ALDH2: variants seen among roughly 807,000 people sequenced by gnomAD.
ALDH2 encodes aldehyde dehydrogenase, mitochondrial.
Under a neutral mutation model 59.6 loss-of-function variants are expected in ALDH2, and 44 were observed. That is an observed-to-expected ratio of 0.74 (90% CI 0.58 to 0.95). The LOEUF (loss-of-function observed/expected upper bound fraction) is 0.95, where lower values mean the gene tolerates loss of function less well. ALDH2 is among the 40% of genes least tolerant of loss of function. The probability of loss-of-function intolerance (pLI) is 0.00; values close to 1 mark genes in which losing one functional copy is unlikely to be tolerated. For synonymous variants in ALDH2, 291 were observed against 284.0 expected (o/e 1.02, Z -0.25); for missense variants, 570 against 696.3 (o/e 0.82, Z 2.04).
At chr12:111,767,139 G>A in intron 1 of ALDH2, 43 bp downstream of exon 1, 1 of 1,411,964 alleles carries the variant, frequency 7.1e-7, no homozygotes, top group Non-Finnish European at 9.3e-7. Flanking sequence ...TCCGGCCCGA[G>A]TCCCCCGCAG....
chr12:111,783,431 G>T (rs1189795763), intron 3 of ALDH2, 133 bp downstream of exon 3: 2 of 1,152,150 alleles, frequency 1.7e-6, no homozygotes, highest in Non-Finnish European at 2.4e-6. Flanking sequence ...GATGGGAATG[G>T]CATAGGATGG....
intron 10 of ALDH2, among the ~76,000 whole-genome samples, chr12:111,799,190 G>A (rs1269718218): frequency 6.7e-6 from 1 of 148,150 alleles, no homozygotes; most frequent in Non-Finnish European, 1.5e-5. Context: ...TTTTGAGATG[G>A]AGTCTCACTC....
Position 111,799,946 on chromosome 12 carries a change from T to C in ALDH2, c.1289T>C (p.Ile430Thr), listed in dbSNP as rs374377652. The C allele has an allele frequency of 1.1e-4, 185 of 1,613,936 alleles. No individual in the cohort carries two copies. Among genetic ancestry groups the C allele is most frequent in the Non-Finnish European group, 1.5e-4 (175 of 1,180,022 alleles). ...ATGCAGATCCTGAAGTTCAAGACCA[T>C]AGAGGAGGTTGTTGGGAGAGCCAAC... is the stretch of plus-strand genomic sequence containing the variant. ...PVMQILKFKT[I>T]EEVVGRANNS... Residue 430 changes from isoleucine to threonine, a missense_variant, in exon 11 of 13, where the codon ATA becomes ACA. By Grantham distance (89) the Ile-to-Thr change is moderately conservative. Transcript: ENST00000261733.
At chr12:111,792,232 G>A (rs4646777) in intron 8 of ALDH2, 69 bp downstream of exon 8, 211,037 of 1,229,896 alleles carry the variant, frequency 0.17, 18,762 homozygotes, top group Middle Eastern at 0.25. Flanking sequence ...GGCTCCAGCC[G>A]ATCCTGTCGC....
intron 1 of ALDH2, among the ~76,000 whole-genome samples, chr12:111,778,835 GAA>G (rs766411401): frequency 7.6e-6 from 1 of 130,832 alleles, no homozygotes; most frequent in African/African-American, 2.8e-5. Context: ...TCTGTCTCAG[GAA>G]AAAAAAAAAA....
intron 1 of ALDH2, among the ~76,000 whole-genome samples, chr12:111,779,856 G>C (rs920154742): frequency 6.6e-6 from 1 of 152,204 alleles, no homozygotes; most frequent in African/African-American, 2.4e-5. Flanking sequence ...CCAGTGCCTG[G>C]AAAGCAGAGG....
chr12:111,773,213 C>T (rs949044670), intron 1 of ALDH2, among the ~76,000 whole-genome samples: 3 of 152,022 alleles, frequency 2.0e-5, no homozygotes, highest in Non-Finnish European at 4.4e-5. Context: ...TGACACCGCC[C>T]GCCTCAGCCT....
intron 12 of ALDH2, among the ~76,000 whole-genome samples, chr12:111,804,341 T>A (rs1240713507): frequency 6.6e-6 from 1 of 152,178 alleles, no homozygotes; most frequent in Non-Finnish European, 1.5e-5. Context: ...GGTCATTTGC[T>A]GGGCTTCGTT....
rs547567831 is a variant in ALDH2, at chr12:111,787,161, G to A, written c.440+1815G>A. Among the ~76,000 whole-genome samples the A allele has an allele frequency of 7.9e-5, 12 of 152,170 alleles. No homozygotes were observed. The South Asian group carries it at 2.3e-3, about 29-fold the overall frequency. ...GTGGAGGTTACAGTGAGCCGAGATC[G>A]TGCCATTGCACTCCAGTCTGGGTGA... On this transcript the variant is annotated intron_variant, in intron 4 of 12. Coordinates refer to ENST00000261733, the MANE Select transcript of ALDH2 (RefSeq NM_000690.4).
chr12:111,804,066 G>GGGCTTGAGGGTCTGCTGGT, intron 12 of ALDH2, 93 bp downstream of exon 12: 1 of 876,714 alleles, frequency 1.1e-6, no homozygotes, highest in Non-Finnish European at 1.7e-6. Context: ...GGTCTGTTGG[G>GGGCTTGAGGGTCTGCTGGT]GGCTCGGGGC....
chr12:111,804,170 T>G (rs544247104), intron 12 of ALDH2, among the ~76,000 whole-genome samples, 197 bp downstream of exon 12: 1 of 152,248 alleles, frequency 6.6e-6, no homozygotes, highest in East Asian at 1.9e-4. Context: ...TAGGGTCTGC[T>G]GGGCGGGCCA....
At chr12:111,786,799 G>A (rs1303367668) in intron 4 of ALDH2, among the ~76,000 whole-genome samples, 3 of 151,928 alleles carry the variant, frequency 2.0e-5, no homozygotes, top group African/African-American at 4.8e-5. Flanking sequence ...CTCCCACCTC[G>A]GCCTCCCAAA....
chr12:111,786,130 CA>C (rs1158589268), intron 4 of ALDH2, among the ~76,000 whole-genome samples: 1 of 152,126 alleles, frequency 6.6e-6, no homozygotes, highest in African/African-American at 2.4e-5. Context: ...TTTTTCTATT[CA>C]AGAAAATATT....
At chr12:111,808,517 C>CAA (rs936930683) in intron 12 of ALDH2, among the ~76,000 whole-genome samples, 4 of 152,066 alleles carry the variant, frequency 2.6e-5, no homozygotes, top group Non-Finnish European at 4.4e-5. Context: ...CCAGCCTGAC[C>CAA]AACAAGGTGA....
At chr12:111,786,720 A>G (rs1415981010) in intron 4 of ALDH2, among the ~76,000 whole-genome samples, 1 of 151,288 alleles carries the variant, frequency 6.6e-6, no homozygotes, top group Non-Finnish European at 1.5e-5. Flanking sequence ...TACTTTTTAA[A>G]TTTTTTGTAG....
chr12:111,777,812 G>A (rs1378492608), intron 1 of ALDH2, among the ~76,000 whole-genome samples: 1 of 152,084 alleles, frequency 6.6e-6, no homozygotes, highest in Non-Finnish European at 1.5e-5. Context: ...CCCCACACTG[G>A]AAATGACCCA....
rs2068551325 is a variant in ALDH2, at chr12:111,813,646, T to C, written c.*4071T>C. The C allele has an allele frequency of 6.6e-6, 1 of 152,182 alleles. No homozygotes were observed. Among genetic ancestry groups the C allele is most frequent in the South Asian group, 2.1e-4 (1 of 4,826 alleles). 9.4% of individuals were successfully genotyped at this position (152,182 alleles called of 1,614,324 possible). A position where few individuals can be genotyped will look rare whatever the true frequency, so the allele number is the denominator to read the frequency against. ...TATTTAGCCATAAAAAGGAAGGAAG[T>C]GCTGATGCATGTTGCGATGTGGATG... On this transcript the variant is annotated 3_prime_UTR_variant, in exon 13 of 13. Transcript: ENST00000261733.
At chr12:111,789,021 T>C (rs927211758) in intron 4 of ALDH2, among the ~76,000 whole-genome samples, 8 of 145,830 alleles carry the variant, frequency 5.5e-5, no homozygotes, top group East Asian at 4.0e-4. Flanking sequence ...TCTTTTCTTT[T>C]TTTTTTTTTT....
intron 1 of ALDH2, among the ~76,000 whole-genome samples, chr12:111,768,391 G>A (rs1019083800): frequency 3.3e-5 from 5 of 152,334 alleles, no homozygotes; most frequent in Middle Eastern, 3.4e-3. Context: ...AGGCACATGC[G>A]TGTGATTTTA....
Sources: gnomAD v4.1 joint callset for allele counts (sites outside exome capture counted in the v4.1 genomes callset) on GRCh38, gnomAD v4.1.1 for gene constraint, MANE v1.5 for transcripts, NCBI Gene and HGNC (gene_info 2026-07-23, HGNC 2026-07-21) for gene names.